Variants in ADCY1 observed in about 807,000 individuals in gnomAD.
ADCY1 encodes the protein adenylate cyclase 1, also known as adenylate cyclase type 1.
ADCY1 carries 28 observed loss-of-function variants against 105.4 expected under a neutral mutation model. That is an observed-to-expected ratio of 0.27 (90% CI 0.20 to 0.36). ADCY1 has a LOEUF of 0.36. Ranked by LOEUF, ADCY1 falls within the 10% of genes least tolerant of loss-of-function variation. ADCY1 has a pLI of 1.00. For synonymous variants in ADCY1, 655 were observed against 623.8 expected (o/e 1.05, Z -0.75); for missense variants, 977 against 1,434.2 (o/e 0.68, Z 5.15).
rs557303940 is a variant in ADCY1, at chr7:45,657,707, G to A, written c.1149-20G>A. The A allele has an allele frequency of 1.4e-4, 231 of 1,608,952 alleles. 2 individuals carry two copies. Among genetic ancestry groups the A allele is most frequent in the Non-Finnish European group, 9.1e-5 (107 of 1,177,816 alleles). ...GATACAAGGTGGGCCCTAGCCCCAC[G>A]CTCTGTGTCTGTGTTGCAGATCTGT... On this transcript the variant is annotated intron_variant, in intron 5 of 19. Coordinates refer to ENST00000297323, the MANE Select transcript of ADCY1 (RefSeq NM_021116.4).
chr7:45,583,693 T>C (rs546874142), intron 1 of ADCY1, among the ~76,000 whole-genome samples: 1 of 152,068 alleles, frequency 6.6e-6, no homozygotes, highest in Non-Finnish European at 1.5e-5. Context: ...CAGGCCGGAG[T>C]GCAGTGGCGC....
intron 3 of ADCY1, among the ~76,000 whole-genome samples, chr7:45,614,948 A>G (rs973155804): frequency 6.6e-6 from 1 of 152,266 alleles, no homozygotes; most frequent in Non-Finnish European, 1.5e-5. Flanking sequence ...TCAGTAGTCT[A>G]TTTTTGATAA....
chr7:45,593,491 C>T (rs1038640078), intron 2 of ADCY1, among the ~76,000 whole-genome samples: 1 of 152,158 alleles, frequency 6.6e-6, no homozygotes, highest in African/African-American at 2.4e-5. Context: ...AGGAGCCATG[C>T]CTAGGTTCCC....
Position 45,657,869 on chromosome 7 carries a change from G to A in ADCY1, c.1291G>A (p.Ala431Thr). ...TGTGACCTTGGCCAATGTCATGGAAGCCGCTGGCCTGCCAGGGTAAGTCGG... is the reference window on the plus strand; with the variant it reads ...TGTGACCTTGGCCAATGTCATGGAAACCGCTGGCCTGCCAGGGTAAGTCGG... ...NDVTLANVME[A>T]AGLPGKVHIT... is the part of the protein sequence containing the mutation. The change falls in exon 6 of 20, where the codon GCC (alanine) becomes ACC (threonine). Residue 431 changes from alanine to threonine, a missense_variant. This residue lies in a region of ADCY1 where 66 missense variants were observed against 127.2 expected (regional missense o/e 0.52). Transcript: ENST00000297323. 7.0e-7 allele frequency: 1 copy of A among 1,425,622 alleles called. No individual in the cohort carries two copies. The highest frequency in any genetic ancestry group is 1.8e-5 in the Admixed American group (1 of 54,098). The allele number at this position is 1,425,622 out of a possible 1,614,324, so 88.3% of individuals were successfully genotyped here.
At chr7:45,684,045 G>A (rs1784616601) in intron 11 of ADCY1, among the ~76,000 whole-genome samples, 1 of 152,260 alleles carries the variant, frequency 6.6e-6, no homozygotes, top group Non-Finnish European at 1.5e-5. Flanking sequence ...GTTGGGACTG[G>A]GAGGGAAGTG....
chr7:45,658,726 G>C (rs545690551), intron 6 of ADCY1, among the ~76,000 whole-genome samples: 1 of 152,366 alleles, frequency 6.6e-6, no homozygotes, highest in East Asian at 1.9e-4. Flanking sequence ...ACAGACACTT[G>C]CCTTTCTGGA....
intron 14 of ADCY1, among the ~76,000 whole-genome samples, chr7:45,689,685 A>G (rs1037503771): frequency 6.6e-6 from 1 of 152,184 alleles, no homozygotes; most frequent in Non-Finnish European, 1.5e-5. Flanking sequence ...TACCCAAACC[A>G]TATCAACATC....
intron 14 of ADCY1, among the ~76,000 whole-genome samples, chr7:45,690,726 C>A (rs779003179): frequency 9.2e-5 from 14 of 152,234 alleles, no homozygotes; most frequent in Non-Finnish European, 1.8e-4. Flanking sequence ...AAAGCCACAC[C>A]AGGTAATAGG....
intron 3 of ADCY1, among the ~76,000 whole-genome samples, chr7:45,612,530 A>G (rs1446499943): frequency 3.3e-5 from 5 of 152,196 alleles, no homozygotes; most frequent in Non-Finnish European, 7.4e-5. Context: ...GACCACCAGA[A>G]TAATCCCTGG....
intron 3 of ADCY1, among the ~76,000 whole-genome samples, chr7:45,613,637 G>T (rs931896438): frequency 6.6e-6 from 1 of 151,874 alleles, no homozygotes; most frequent in Non-Finnish European, 1.5e-5. Flanking sequence ...CCCAAATCTG[G>T]TTAAAGAAAT....
chr7:45,610,058 G>A (rs573647602), intron 2 of ADCY1, among the ~76,000 whole-genome samples: 1 of 152,308 alleles, frequency 6.6e-6, no homozygotes, highest in South Asian at 2.1e-4. Flanking sequence ...GGGGGAGGGA[G>A]AGAAGCCAGG....
At chr7:45,709,555 C>G (rs1205382825) in intron 18 of ADCY1, among the ~76,000 whole-genome samples, 1 of 152,204 alleles carries the variant, frequency 6.6e-6, no homozygotes, top group Non-Finnish European at 1.5e-5. Context: ...GTTTACCATG[C>G]CCACCTTCCC....
At chr7:45,628,510 G>C (rs907310131) in intron 4 of ADCY1, among the ~76,000 whole-genome samples, 1 of 152,194 alleles carries the variant, frequency 6.6e-6, no homozygotes, top group Non-Finnish European at 1.5e-5. Context: ...AGGGGTGGAG[G>C]GTGAGCGGTT....
intron 8 of ADCY1, chr7:45,664,566 A>T: frequency 8.0e-7 from 1 of 1,256,986 alleles, no homozygotes. Context: ...AAAAGCATTT[A>T]TCTGGAATCC....
intron 10 of ADCY1, 118 bp downstream of exon 10, chr7:45,678,381 C>T (rs1784501169): frequency 4.2e-6 from 4 of 956,866 alleles, no homozygotes; most frequent in Non-Finnish European, 6.6e-6. Context: ...GCTTCGTCTC[C>T]CACAGTTATT....
intron 4 of ADCY1, among the ~76,000 whole-genome samples, chr7:45,627,510 A>G (rs925519473): frequency 6.6e-6 from 1 of 152,196 alleles, no homozygotes; most frequent in Non-Finnish European, 1.5e-5. Flanking sequence ...CTGGCACACA[A>G]TGGCTATCCC....
intron 8 of ADCY1, among the ~76,000 whole-genome samples, chr7:45,674,915 C>T (rs1270963365): frequency 1.3e-5 from 2 of 152,126 alleles, no homozygotes; most frequent in Non-Finnish European, 1.5e-5. Flanking sequence ...CTATTAATTT[C>T]AACTTACATA....
At chr7:45,610,736 GT>G (rs1562686893) in intron 3 of ADCY1, among the ~76,000 whole-genome samples, 4 of 101,184 alleles carry the variant, frequency 4.0e-5, no homozygotes, top group South Asian at 7.3e-4. Context: ...GATAGTGGAG[GT>G]GGGGAGGTGA....
Position 45,710,773 on chromosome 7 carries a change from C to G in ADCY1, c.3057+121C>G, listed in dbSNP as rs1785216949. 7.5e-7 allele frequency: 1 copy of G among 1,340,476 alleles called. No individual in the cohort carries two copies. The highest frequency in any genetic ancestry group is 1.5e-5 in the African/African-American group (1 of 67,006). 83.0% of individuals were successfully genotyped at this position (1,340,476 alleles called of 1,614,324 possible). A position where few individuals can be genotyped will look rare whatever the true frequency, so the allele number is the denominator to read the frequency against. ...CCCGTAAGTGGCAGGGCAGAAAGAG[C>G]TGCATATTTCGGTCTGTCTGCTCTG... On this transcript the variant is annotated intron_variant, in intron 19 of 19. Transcript: ENST00000297323. This position sits in a 1 kb window ranked among gnomAD's most constrained non-coding sequence, Gnocchi z 4.7.
Sources: gnomAD v4.1 joint callset for allele counts (sites outside exome capture counted in the v4.1 genomes callset) on GRCh38, gnomAD v4.1.1 for gene constraint, gnomAD v4.1.1 regional missense constraint, Gnocchi (gnomAD v3.1) non-coding constraint, MANE v1.5 for transcripts, NCBI Gene and HGNC (gene_info 2026-07-23, HGNC 2026-07-21) for gene names.